RCOR1: variants seen among roughly 807,000 people sequenced by gnomAD.
The protein encoded by RCOR1 is REST corepressor.
A neutral mutation model predicts 64.0 loss-of-function variants in RCOR1; 12 were observed. The ratio of observed to expected loss-of-function variants is 0.19; its 90% confidence interval spans 0.12 to 0.30. RCOR1 has a LOEUF of 0.30. Ranked by LOEUF, RCOR1 falls within the 10% of genes least tolerant of loss-of-function variation. The pLI, the probability that RCOR1 is intolerant of heterozygous loss-of-function variation, is 1.00. For missense variants in RCOR1, 502 were observed against 621.2 expected (o/e 0.81, Z 2.04); for synonymous variants, 279 against 227.2 (o/e 1.23, Z -2.05).
chr14:102,596,978 T>G (rs1336106347), intron 2 of RCOR1, among the ~76,000 whole-genome samples: 2 of 151,664 alleles, frequency 1.3e-5, no homozygotes, highest in African/African-American at 4.8e-5. Context: ...GTTCAAGTGA[T>G]TCTCCTGCCT....
At chr14:102,674,626 C>G (rs1457799452) in intron 2 of RCOR1, among the ~76,000 whole-genome samples, 2 of 152,124 alleles carry the variant, frequency 1.3e-5, no homozygotes, top group African/African-American at 4.8e-5. Flanking sequence ...GTTTTTTTCT[C>G]TGAAGTAGTT....
intron 2 of RCOR1, among the ~76,000 whole-genome samples, chr14:102,600,728 G>A (rs193033999): frequency 0.012 from 1,877 of 151,778 alleles, 39 homozygotes; most frequent in African/African-American, 0.043. Context: ...CCGCCAACAC[G>A]CCTGGCTAAT....
chr14:102,699,258 C>A (rs570547992), intron 3 of RCOR1, among the ~76,000 whole-genome samples: 4 of 152,284 alleles, frequency 2.6e-5, no homozygotes, highest in Admixed American at 6.5e-5. Flanking sequence ...CATTTGCTGA[C>A]CTTCAAGTAA....
chr14:102,623,794 C>T (rs975743729), intron 2 of RCOR1, among the ~76,000 whole-genome samples: 12 of 151,820 alleles, frequency 7.9e-5, no homozygotes, highest in South Asian at 4.2e-4. Flanking sequence ...CGGTGGCTCA[C>T]GCCTGTAATC....
intron 2 of RCOR1, among the ~76,000 whole-genome samples, chr14:102,671,174 C>T (rs898419175): frequency 6.6e-6 from 1 of 152,218 alleles, no homozygotes; most frequent in Non-Finnish European, 1.5e-5. Context: ...TGGCCATTCT[C>T]TTTCTTGTGT....
At chr14:102,714,318 A>G (rs1896020164) in intron 7 of RCOR1, 105 bp from the exon 8 acceptor site, 1 of 686,170 alleles carries the variant, frequency 1.5e-6, no homozygotes, top group African/African-American at 1.8e-5. Flanking sequence ...AGGGCATGGT[A>G]TTTGTCTTAG....
intron 2 of RCOR1, among the ~76,000 whole-genome samples, chr14:102,653,209 A>G (rs1894628072): frequency 6.6e-6 from 1 of 152,054 alleles, no homozygotes; most frequent in Non-Finnish European, 1.5e-5. Flanking sequence ...GGCGTGAGCT[A>G]CTGCACCCAG....
At chr14:102,609,535 G>C (rs1012212842) in intron 2 of RCOR1, among the ~76,000 whole-genome samples, 2 of 152,014 alleles carry the variant, frequency 1.3e-5, no homozygotes, top group South Asian at 4.1e-4. Context: ...CGCCTTCCAG[G>C]TTCAAGTGAT....
intron 2 of RCOR1, among the ~76,000 whole-genome samples, chr14:102,670,181 C>A (rs1321667877): frequency 6.6e-6 from 1 of 152,194 alleles, no homozygotes; most frequent in Non-Finnish European, 1.5e-5. Context: ...AAACTCTTGA[C>A]AGCAAGTGAT....
At chr14:102,642,637 A>G (rs1327206894) in intron 2 of RCOR1, among the ~76,000 whole-genome samples, 1 of 152,092 alleles carries the variant, frequency 6.6e-6, no homozygotes, top group African/African-American at 2.4e-5. Flanking sequence ...GAAATTCCAG[A>G]CCAGCCTGGG....
At chr14:102,599,792 GGTTTT>G (rs1222255565) in intron 2 of RCOR1, among the ~76,000 whole-genome samples, 1 of 135,272 alleles carries the variant, frequency 7.4e-6, no homozygotes, top group African/African-American at 2.7e-5. Flanking sequence ...AATGCTTTGT[GGTTTT>G]GTTTTGTTTT....
At chr14:102,705,545 G>A (rs1895834416) in intron 4 of RCOR1, among the ~76,000 whole-genome samples, 1 of 152,122 alleles carries the variant, frequency 6.6e-6, no homozygotes, top group African/African-American at 2.4e-5. Context: ...CCTGGGCTCA[G>A]TCAAGCAGTC....
intron 7 of RCOR1, among the ~76,000 whole-genome samples, chr14:102,714,062 A>G (rs1194855049): frequency 6.6e-6 from 1 of 152,258 alleles, no homozygotes; most frequent in Non-Finnish European, 1.5e-5. Context: ...CTGTAATTTC[A>G]TGTAGCTAAA....
At chr14:102,703,095 C>T (rs879732599) in intron 4 of RCOR1, among the ~76,000 whole-genome samples, 4 of 152,076 alleles carry the variant, frequency 2.6e-5, no homozygotes, top group Non-Finnish European at 4.4e-5. Flanking sequence ...ATTCACTAGA[C>T]GTGCTCAAAG....
At chr14:102,676,112 A>T (rs1432426084) in intron 2 of RCOR1, among the ~76,000 whole-genome samples, 1 of 148,368 alleles carries the variant, frequency 6.7e-6, no homozygotes, top group Non-Finnish European at 1.5e-5. Context: ...GTCTACTTCT[A>T]TCCACACAGA....
Position 102,714,581 on chromosome 14 carries a change from A to G in RCOR1, c.1017A>G (p.Arg339=). The G allele has an allele frequency of 6.2e-7, 1 of 1,611,254 alleles. No homozygotes were observed. The highest frequency in any genetic ancestry group is 8.5e-7 in the Non-Finnish European group (1 of 1,178,270). ...ANATAATTVL[R]QLDMELVSVK... is the part of the protein sequence containing the mutation. ...CCACTGCTGCTACCACGGTGCTGAG[A>G]CAACTAGACATGGAATTGGTTTCAG... Residue 339 remains arginine (R), a synonymous_variant, in exon 8 of 12, where the codon AGA becomes AGG. Coordinates refer to ENST00000262241, the MANE Select transcript of RCOR1 (RefSeq NM_015156.4).
chr14:102,643,025 G>A (rs1894401066), intron 2 of RCOR1, among the ~76,000 whole-genome samples: 1 of 152,256 alleles, frequency 6.6e-6, no homozygotes, highest in Admixed American at 6.5e-5. Context: ...GCTCACGCCT[G>A]TAATCCCTGC....
At chr14:102,663,104 G>A (rs7149667) in intron 2 of RCOR1, among the ~76,000 whole-genome samples, 29,535 of 152,030 alleles carry the variant, frequency 0.19, 3,126 homozygotes, top group East Asian at 0.38. Context: ...TAGCAAATGA[G>A]TCTCATGAGA....
intron 2 of RCOR1, among the ~76,000 whole-genome samples, chr14:102,614,633 C>T (rs145514310): frequency 6.6e-6 from 1 of 152,186 alleles, no homozygotes; most frequent in East Asian, 1.9e-4. Flanking sequence ...TCTCTGCTTG[C>T]TTGGCAACAG....
Sources: allele counts gnomAD v4.1 joint callset (sites outside exome capture counted in the v4.1 genomes callset), GRCh38; gene constraint gnomAD v4.1.1; transcripts MANE v1.5; gene names NCBI Gene and HGNC (gene_info 2026-07-23, HGNC 2026-07-21).